The following CACNA2D3 variants were observed in gnomAD, a reference collection of about 807,000 sequenced individuals.
CACNA2D3 encodes voltage-dependent calcium channel subunit alpha-2/delta-3.
In CACNA2D3, 60 loss-of-function variants were observed where a neutral mutation model predicts 160.6. The observed-to-expected ratio is 0.37, with a 90% CI of 0.30 to 0.46. CACNA2D3 has a LOEUF of 0.46. CACNA2D3 is among the 20% of genes least tolerant of loss of function. The probability of loss-of-function intolerance (pLI) is 1.00; values close to 1 mark genes in which losing one functional copy is unlikely to be tolerated. For synonymous variants in CACNA2D3, 558 were observed against 492.9 expected (o/e 1.13, Z -1.75); for missense variants, 1,205 against 1,365.0 (o/e 0.88, Z 1.85).
At chr3:54,686,925 A>G (rs1304910159) in intron 11 of CACNA2D3, among the ~76,000 whole-genome samples, 1 of 152,116 alleles carries the variant, frequency 6.6e-6, no homozygotes, top group Non-Finnish European at 1.5e-5. Context: ...TTAGTTTTTC[A>G]AATGCCTATT....
At chr3:54,763,653 A>ATGTG (rs34209151) in intron 12 of CACNA2D3, among the ~76,000 whole-genome samples, 38 of 140,724 alleles carry the variant, frequency 2.7e-4, no homozygotes, top group African/African-American at 9.0e-4. Flanking sequence ...GTGTATATAT[A>ATGTG]TGTGTGTGTG....
At chr3:54,286,643 T>C (rs12494532) in intron 2 of CACNA2D3, among the ~76,000 whole-genome samples, 3 of 151,974 alleles carry the variant, frequency 2.0e-5, no homozygotes, top group Non-Finnish European at 4.4e-5. Flanking sequence ...TCACCAAAGT[T>C]GAAATGAAGG....
intron 2 of CACNA2D3, among the ~76,000 whole-genome samples, chr3:54,275,617 A>G (rs539625419): frequency 6.6e-6 from 1 of 151,968 alleles, no homozygotes; most frequent in South Asian, 2.1e-4. Context: ...ATAGGAAAGT[A>G]TCTGATTTCT....
intron 17 of CACNA2D3, among the ~76,000 whole-genome samples, chr3:54,866,001 A>G (rs1337846237): frequency 6.6e-6 from 1 of 151,720 alleles, no homozygotes; most frequent in Non-Finnish European, 1.5e-5. Context: ...TCAGAGTCTG[A>G]CTCCAGGACC....
intron 2 of CACNA2D3, among the ~76,000 whole-genome samples, chr3:54,212,295 C>A (rs1701388842): frequency 2.0e-5 from 3 of 152,094 alleles, no homozygotes; most frequent in African/African-American, 7.2e-5. Context: ...TACATTGGTT[C>A]CATCTGGAAG....
At chr3:54,967,149 C>CT (rs1702173288) in intron 27 of CACNA2D3, 1 of 152,192 alleles carries the variant, frequency 6.6e-6, no homozygotes, top group African/African-American at 2.4e-5. Context: ...GTCGGAAATT[C>CT]TAAGTGCAAA....
intron 35 of CACNA2D3, among the ~76,000 whole-genome samples, chr3:55,051,175 G>T (rs1486088799): frequency 6.8e-6 from 1 of 147,366 alleles, no homozygotes; most frequent in African/African-American, 2.5e-5. Flanking sequence ...AGGAGGAGAG[G>T]TGCTCTGCTT....
intron 2 of CACNA2D3, among the ~76,000 whole-genome samples, chr3:54,286,989 A>G (rs1703045871): frequency 6.6e-6 from 1 of 152,244 alleles, no homozygotes; most frequent in African/African-American, 2.4e-5. Flanking sequence ...AATTGAAAAG[A>G]CCATCAAGGC....
intron 2 of CACNA2D3, among the ~76,000 whole-genome samples, chr3:54,320,133 G>T (rs11716212): frequency 0.84 from 127,115 of 152,188 alleles, 53,195 homozygotes; most frequent in East Asian, 0.88. Context: ...ATTGTCTTTA[G>T]TGAGAATTTG....
chr3:54,808,554 G>A (rs762600508), intron 13 of CACNA2D3, among the ~76,000 whole-genome samples: 5 of 152,258 alleles, frequency 3.3e-5, no homozygotes, highest in East Asian at 1.9e-4. Context: ...TGCTGTGGCC[G>A]AGGGAAAGCG....
chr3:54,443,703 G>A (rs1012329396), intron 4 of CACNA2D3, among the ~76,000 whole-genome samples: 2 of 152,238 alleles, frequency 1.3e-5, no homozygotes, highest in South Asian at 4.2e-4. Context: ...TCACTGGGTC[G>A]GCTACATTGT....
chr3:54,667,125 A>C (rs1700081244), intron 11 of CACNA2D3, among the ~76,000 whole-genome samples: 2 of 152,200 alleles, frequency 1.3e-5, no homozygotes, highest in Admixed American at 1.3e-4. Flanking sequence ...ACTCATCTAT[A>C]TTCTGGCTGG....
At chr3:54,974,854 A>G (rs1223759924) in intron 29 of CACNA2D3, among the ~76,000 whole-genome samples, 3 of 150,042 alleles carry the variant, frequency 2.0e-5, no homozygotes, top group East Asian at 3.9e-4. Context: ...AGGGTGACAG[A>G]TAGACATCTT....
intron 9 of CACNA2D3, among the ~76,000 whole-genome samples, chr3:54,613,400 T>C (rs1208232016): frequency 6.6e-6 from 1 of 152,244 alleles, no homozygotes; most frequent in Non-Finnish European, 1.5e-5. Flanking sequence ...TTTCATGTCC[T>C]GAGGATGAAA....
intron 9 of CACNA2D3, among the ~76,000 whole-genome samples, chr3:54,618,578 G>C (rs1378167772): frequency 6.6e-6 from 1 of 151,990 alleles, no homozygotes; most frequent in Non-Finnish European, 1.5e-5. Context: ...AATCTTCCAA[G>C]TGTTCATACA....
intron 9 of CACNA2D3, among the ~76,000 whole-genome samples, chr3:54,602,374 T>A (rs1017329584): frequency 1.3e-5 from 2 of 151,802 alleles, no homozygotes; most frequent in African/African-American, 4.8e-5. Flanking sequence ...GGCAAGCACC[T>A]GTAGTCCCAG....
intron 5 of CACNA2D3, among the ~76,000 whole-genome samples, chr3:54,535,062 G>A (rs1166847965): frequency 6.6e-6 from 1 of 152,166 alleles, no homozygotes; most frequent in African/African-American, 2.4e-5. Context: ...CATCATTCCA[G>A]TAGAATGCAA....
chr3:54,593,951 A>C (rs1030365675), intron 9 of CACNA2D3, among the ~76,000 whole-genome samples: 3 of 152,194 alleles, frequency 2.0e-5, no homozygotes, highest in African/African-American at 7.2e-5. Flanking sequence ...AACTATGCTC[A>C]ATTCTTTTTT....
chr3:54,972,113 C>A (rs1417390768), intron 29 of CACNA2D3, among the ~76,000 whole-genome samples: 3 of 152,184 alleles, frequency 2.0e-5, no homozygotes, highest in Admixed American at 2.0e-4. Flanking sequence ...GTGACAGTTT[C>A]CCCTGGGCAT....
Sources: allele counts gnomAD v4.1 joint callset (sites outside exome capture counted in the v4.1 genomes callset), GRCh38; gene constraint gnomAD v4.1.1; transcripts MANE v1.5; gene names NCBI Gene and HGNC (gene_info 2026-07-23, HGNC 2026-07-21).